PAX5: variants seen among roughly 807,000 people sequenced by gnomAD.
PAX5 encodes the protein paired box 5, also known as paired box protein Pax-5.
PAX5 carries 9 observed loss-of-function variants against 43.7 expected under a neutral mutation model. The observed-to-expected ratio is 0.21, with a 90% confidence interval of 0.12 to 0.36. The LOEUF (loss-of-function observed/expected upper bound fraction) is 0.36. Ranked by LOEUF, PAX5 falls within the 10% of genes least tolerant of loss-of-function variation. PAX5 has a pLI of 1.00. For missense variants in PAX5, 383 were observed against 532.7 expected (o/e 0.72, Z 2.77); for synonymous variants, 228 against 214.3 (o/e 1.06, Z -0.56).
chr9:36,964,876 A>G (rs1231125911), intron 6 of PAX5, among the ~76,000 whole-genome samples: 1 of 152,162 alleles, frequency 6.6e-6, no homozygotes, highest in Non-Finnish European at 1.5e-5. Context: ...CTCGACTTGT[A>G]AGAGAAAGAC....
At chr9:36,844,408 C>T (rs1254236575) in intron 9 of PAX5, among the ~76,000 whole-genome samples, 2 of 152,180 alleles carry the variant, frequency 1.3e-5, no homozygotes, top group Non-Finnish European at 2.9e-5. Flanking sequence ...GCCTCATTGT[C>T]CTCTTCCGTA....
intron 5 of PAX5, among the ~76,000 whole-genome samples, chr9:36,997,036 C>G (rs1283527306): frequency 6.6e-6 from 1 of 152,110 alleles, no homozygotes; most frequent in South Asian, 2.1e-4. Context: ...GAGATGCACC[C>G]CCAAAGACAT....
chr9:36,997,182 G>A (rs932219064), intron 5 of PAX5, among the ~76,000 whole-genome samples: 4 of 152,092 alleles, frequency 2.6e-5, no homozygotes, highest in African/African-American at 7.2e-5. Context: ...GAAAGGACAG[G>A]CCACCTCTGA....
At chr9:36,968,916 C>T (rs966940335) in intron 5 of PAX5, among the ~76,000 whole-genome samples, 3 of 152,092 alleles carry the variant, frequency 2.0e-5, no homozygotes, top group Admixed American at 6.6e-5. Context: ...TGCACACACA[C>T]ACATGCACAC....
chr9:36,891,597 G>A (rs1438223532), intron 7 of PAX5, among the ~76,000 whole-genome samples: 1 of 152,210 alleles, frequency 6.6e-6, no homozygotes, highest in African/African-American at 2.4e-5. Flanking sequence ...GAATGGTGAT[G>A]TAACAGCCTA....
intron 4 of PAX5, among the ~76,000 whole-genome samples, chr9:37,005,413 G>T (rs1044540748): frequency 6.6e-6 from 1 of 152,240 alleles, no homozygotes; most frequent in Non-Finnish European, 1.5e-5. Flanking sequence ...TGGCAGGGAG[G>T]AAATCTGTCT....
In PAX5 at chr9:36,840,005, A is replaced by C; in HGVS notation, c.*555T>G. The C allele has an allele frequency of 4.2e-6, 1 of 238,304 alleles. No individual in the cohort carries two copies. The highest frequency in any genetic ancestry group is 1.6e-4 in the South Asian group (1 of 6,078). The allele number at this position is 238,304 out of a possible 1,614,324, so 14.8% of individuals were successfully genotyped here. ...CTGGGGCCCAAGGGCAGCATCCTCC[A>C]TCTTGAGGACAGCTCTGAGCGCACC... On this transcript the variant is annotated 3_prime_UTR_variant, in exon 10 of 10. Transcript: ENST00000358127.
intron 7 of PAX5, among the ~76,000 whole-genome samples, chr9:36,915,614 T>C (rs1312375030): frequency 7.9e-5 from 12 of 152,168 alleles, no homozygotes; most frequent in Admixed American, 6.5e-5. Context: ...ATTAGCTTTT[T>C]GTCATCTGTC....
At chr9:36,901,643 G>A (rs1235034482) in intron 7 of PAX5, among the ~76,000 whole-genome samples, 2 of 152,210 alleles carry the variant, frequency 1.3e-5, no homozygotes, top group African/African-American at 4.8e-5. Flanking sequence ...CTAAAAGGTA[G>A]GGGGGTCTGG....
intron 6 of PAX5, among the ~76,000 whole-genome samples, chr9:36,955,360 C>T (rs75658042): frequency 0.018 from 2,681 of 152,148 alleles, 70 homozygotes; most frequent in African/African-American, 0.062. Flanking sequence ...TATGCATCTG[C>T]GAGGCATCTC....
chr9:36,922,794 G>A (rs1382087714), intron 7 of PAX5: 1 of 153,238 alleles, frequency 6.5e-6, no homozygotes, highest in Non-Finnish European at 1.5e-5. Flanking sequence ...GCTAGTAAAT[G>A]GCATGATCAG....
At chr9:36,988,738 G>A (rs551823162) in intron 5 of PAX5, among the ~76,000 whole-genome samples, 1 of 151,162 alleles carries the variant, frequency 6.6e-6, no homozygotes, top group Non-Finnish European at 1.5e-5. Context: ...CGTTCTCAAC[G>A]AGATCTTTTT....
chr9:36,905,862 A>G (rs972324111), intron 7 of PAX5, among the ~76,000 whole-genome samples: 1 of 152,210 alleles, frequency 6.6e-6, no homozygotes, highest in Non-Finnish European at 1.5e-5. Flanking sequence ...CATCTGTTCA[A>G]TGATGGAATT....
At chr9:36,847,031 C>T (rs1053147023) in intron 8 of PAX5, 102 bp from the exon 9 acceptor site, 1 of 753,000 alleles carries the variant, frequency 1.3e-6, no homozygotes, top group Non-Finnish European at 2.3e-6. Context: ...GCATTTGCCT[C>T]TTCCGTGAGT....
At chr9:36,970,258 G>A (rs920408361) in intron 5 of PAX5, among the ~76,000 whole-genome samples, 2 of 152,208 alleles carry the variant, frequency 1.3e-5, no homozygotes, top group African/African-American at 4.8e-5. Flanking sequence ...GGAACTGCAT[G>A]GAACCGTGAG....
At chr9:36,872,059 C>T (rs2131711286) in intron 8 of PAX5, among the ~76,000 whole-genome samples, 1 of 152,336 alleles carries the variant, frequency 6.6e-6, no homozygotes, top group African/African-American at 2.4e-5. Flanking sequence ...CTCTCTCACC[C>T]TAAGATTGCA....
chr9:36,892,261 G>A (rs577303199), intron 7 of PAX5, among the ~76,000 whole-genome samples: 4 of 152,174 alleles, frequency 2.6e-5, no homozygotes, highest in African/African-American at 7.2e-5. Context: ...GGGCTAGCTC[G>A]TGACTTTATT....
chr9:36,994,971 C>CCTAGCGCATGAGAA (rs1482792994), intron 5 of PAX5, among the ~76,000 whole-genome samples: 4 of 152,144 alleles, frequency 2.6e-5, no homozygotes, highest in Admixed American at 1.3e-4. Context: ...CTGACTCCTT[C>CCTAGCGCATGAGAA]CTAGACAAAA....
chr9:37,034,263 G>A lies in PAX5; in HGVS notation c.-232C>T. 1 of 528,290 alleles carries A rather than the reference G, an allele frequency of 1.9e-6. No homozygotes were observed. Among genetic ancestry groups the A allele is most frequent in the Middle Eastern group, 5.1e-4 (1 of 1,972 alleles). 32.7% of individuals were successfully genotyped at this position (528,290 alleles called of 1,614,324 possible). Reference sequence around the variant, plus strand: ...TCCGAAGGCACCGTGAAATGATTAAGGAACTAAAGAGCTTCTCGCCATGTG... The same window carrying A: ...TCCGAAGGCACCGTGAAATGATTAAAGAACTAAAGAGCTTCTCGCCATGTG... On this transcript the variant is annotated 5_prime_UTR_variant, in exon 1 of 10. Transcript: ENST00000358127.
Sources: allele counts gnomAD v4.1 joint callset (sites outside exome capture counted in the v4.1 genomes callset), GRCh38; gene constraint gnomAD v4.1.1; transcripts MANE v1.5; gene names NCBI Gene and HGNC (gene_info 2026-07-23, HGNC 2026-07-21).